LAMA4: variants seen among roughly 807,000 people sequenced by gnomAD.
LAMA4 encodes laminin subunit alpha 4.
A neutral mutation model predicts 207.1 loss-of-function variants in LAMA4; 127 were observed. The ratio of observed to expected loss-of-function variants is 0.61; its 90% CI spans 0.53 to 0.71. The LOEUF is 0.71. Among genes scored for constraint, LAMA4 ranks in the 30% least tolerant of loss-of-function variants. The pLI is 0.00. For missense variants in LAMA4, 2,093 were observed against 2,246.5 expected, an observed-to-expected ratio of 0.93 and a Z score of 1.38; for synonymous variants, 761 against 816.0, an observed-to-expected ratio of 0.93 and a Z score of 1.15.
chr6:112,190,899 C>CT (rs1226185472), intron 6 of LAMA4, among the ~76,000 whole-genome samples: 2 of 80,856 alleles, frequency 2.5e-5, no homozygotes, highest in Non-Finnish European at 5.0e-5. Flanking sequence ...TTCTTTCTTT[C>CT]TTTCTTTCTT....
Position 112,133,468 on chromosome 6 carries a change from G to C in LAMA4, c.3577C>G (p.Pro1193Ala), listed in dbSNP as rs782251597. The change falls in exon 27 of 39, where the codon CCC becomes GCC. Residue 1193 changes from proline to alanine, a missense_variant. By Grantham distance (27) the Pro-to-Ala change is conservative. Coordinates refer to ENST00000230538, the MANE Select transcript of LAMA4 (RefSeq NM_001105206.3). ...LQSRALRAHL[P>A]LDINFRGCMK... ...CATCCTCTGAAGTTGATATCTAGGG[G>C]AAGGTGTGCTCTGAGGGCCCTGGAA... 6.2e-7 allele frequency: 1 copy of C among 1,613,566 alleles called. No individual in the cohort carries two copies. The highest frequency in any genetic ancestry group is 2.2e-5 in the East Asian group (1 of 44,894).
At position 112,204,472 on chromosome 6, in the gene LAMA4, G is replaced by T. The variant is rs542894626; in HGVS notation, c.422+2549C>A. On this transcript the variant is annotated intron_variant, in intron 4 of 38. Transcript: ENST00000230538. ...TTGCCTGCCTAATTCATCTGCTACTGCCAAAAAAAAAAAAACAAACACTGC... is the reference window on the plus strand; with the variant it reads ...TTGCCTGCCTAATTCATCTGCTACTTCCAAAAAAAAAAAAACAAACACTGC... Among the ~76,000 whole-genome samples the T allele has an allele frequency of 7.9e-5, 11 of 138,862 alleles. No homozygotes were observed. In the East Asian group the frequency reaches 2.8e-3, roughly 35 times the overall value. 91.1% of individuals were successfully genotyped at this position (138,862 alleles called of 152,430 possible). A position where few individuals can be genotyped will look rare whatever the true frequency, so the allele number is the denominator to read the frequency against.
chr6:112,144,733 T>C, intron 19 of LAMA4, 61 bp downstream of exon 19: 1 of 1,584,908 alleles, frequency 6.3e-7, no homozygotes, highest in Non-Finnish European at 8.6e-7. Context: ...CCCAAGCAGT[T>C]GGAGCTCAGC....
Position 112,146,182 on chromosome 6 carries a change from C to T in LAMA4, c.2354-1249G>A, listed in dbSNP as rs536687526. Among the ~76,000 whole-genome samples, 27 of 151,934 alleles carry T rather than the reference C, an allele frequency of 1.8e-4. No individual in the cohort carries two copies. The South Asian group carries it at 3.8e-3, about 21-fold the overall frequency. ...GTGCACGCCTGTAATCCCAGCTACT[C>T]GGGAGGCTGAGGCGGGAGAATCGCT... On this transcript the variant is annotated intron_variant, in intron 18 of 38. Coordinates refer to ENST00000230538, the MANE Select transcript of LAMA4 (RefSeq NM_001105206.3).
At position 112,175,352 on chromosome 6, in the gene LAMA4, G is replaced by A. The variant is rs140911762; in HGVS notation, c.1318C>T (p.Arg440Trp). Residue 440 changes from arginine (R) to tryptophan (W), a missense_variant, in exon 11 of 39, where the codon CGG becomes TGG. Physicochemically the swap from Arg to Trp is moderately radical, Grantham distance 101 (BLOSUM62 -3). Transcript: ENST00000230538. ...IRSRQPFFTQ[R>W]ELVDEEADEA... ...TCTGCCTCCTCATCCACGAGCTCCC[G>A]TTGGGTGAAAAATGGTTGACGGCTT... The A allele has an allele frequency of 3.7e-5, 59 of 1,614,030 alleles. No individual in the cohort carries two copies. The highest frequency in any genetic ancestry group is 2.1e-4 in the African/African-American group (16 of 74,926).
At chr6:112,111,517 ATT>A (rs1777694609) in intron 38 of LAMA4, among the ~76,000 whole-genome samples, 1 of 152,122 alleles carries the variant, frequency 6.6e-6, no homozygotes, top group African/African-American at 2.4e-5. Context: ...TAGGGGTTTT[ATT>A]TAGCCTAATT....
chr6:112,164,746 T>C (rs1781285823), intron 13 of LAMA4, among the ~76,000 whole-genome samples: 1 of 152,220 alleles, frequency 6.6e-6, no homozygotes, highest in Non-Finnish European at 1.5e-5. Flanking sequence ...GCCAGATTTA[T>C]CAAACACAAC....
rs577264838 is a variant in LAMA4 at position 112,125,054 on chromosome 6, C to A, written c.4288-2853G>T. 3.9e-5 allele frequency among the ~76,000 whole-genome samples: 6 copies of A among 152,272 alleles called. No homozygotes were observed. In the East Asian group the frequency reaches 1.2e-3, roughly 29 times the overall value. On this transcript the variant is annotated intron_variant, in intron 31 of 38. Coordinates refer to ENST00000230538, the MANE Select transcript of LAMA4 (RefSeq NM_001105206.3). ...ACAGGCGTGAGCCACCGCACCTGGC[C>A]ATCTTAAACAATCTAAGATAGGATA...
intron 12 of LAMA4, among the ~76,000 whole-genome samples, chr6:112,171,025 A>C (rs540750058): frequency 6.6e-6 from 1 of 152,284 alleles, no homozygotes; most frequent in African/African-American, 2.4e-5. Flanking sequence ...GATCAGAGGG[A>C]GTCCTGAATG....
Position 112,220,257 on chromosome 6 carries a change from C to G in LAMA4, c.196-3788G>C, listed in dbSNP as rs549646151. ...ACAGCTCTTTATTATTAAGAGACTC[C>G]TATTATCACAGCTTGCCTCCTGCTC... On this transcript the variant is annotated intron_variant, in intron 2 of 38. Transcript: ENST00000230538. Among the ~76,000 whole-genome samples the G allele has an allele frequency of 2.2e-4, 33 of 152,238 alleles. No individual in the cohort carries two copies. In the South Asian group the frequency reaches 5.2e-3, roughly 24 times the overall value.
At chr6:112,147,464 C>G (rs1043966448) in intron 18 of LAMA4, among the ~76,000 whole-genome samples, 6 of 151,996 alleles carry the variant, frequency 3.9e-5, no homozygotes, top group Non-Finnish European at 4.4e-5. Context: ...TATTGGAGAA[C>G]AAAAAGTTCT....
chr6:112,234,816 C>G (rs1244808747), intron 2 of LAMA4: 3 of 152,132 alleles, frequency 2.0e-5, no homozygotes, highest in African/African-American at 4.8e-5. Context: ...GCTTCATCTG[C>G]CAAAGTAACC....
Position 112,207,037 on chromosome 6 carries a change from G to A in LAMA4, c.406C>T (p.Leu136=). ...AGGACTTACTTGGCCAAGTGGGGCAGGGGACAGGGGCACGGCTGGCAGAAT... is the reference window on the plus strand; with the variant it reads ...AGGACTTACTTGGCCAAGTGGGGCAAGGGACAGGGGCACGGCTGGCAGAAT... The part of the protein sequence containing the change: ...PQFCQPCPCP[L]PHLANFAESC... The change falls in exon 4 of 39, where the codon CTG becomes TTG. Residue 136 remains leucine (L), a synonymous_variant. Coordinates refer to ENST00000230538, the MANE Select transcript of LAMA4 (RefSeq NM_001105206.3). 6.2e-7 allele frequency: 1 copy of A among 1,613,928 alleles called. No individual in the cohort carries two copies. Among genetic ancestry groups the A allele is most frequent in the Non-Finnish European group, 8.5e-7 (1 of 1,179,920 alleles).
At chr6:112,178,909 G>T (rs1782183900) in intron 9 of LAMA4, 1 of 152,344 alleles carries the variant, frequency 6.6e-6, no homozygotes, top group Admixed American at 6.5e-5. Flanking sequence ...AAGTTTCAAA[G>T]AGAAAATTGT....
Position 112,117,709 on chromosome 6 carries a change from G to C in LAMA4, c.4981+30C>G. On this transcript the variant is annotated intron_variant, in intron 35 of 38. Transcript: ENST00000230538. The surrounding 1 kb of genome is among the most constrained non-coding windows in gnomAD (Gnocchi z 4.5). ...CCATCTCCAGGAAGAAGCATTTCAT[G>C]ACTCATATTTTTAACATGACTAATG... 6.2e-7 allele frequency: 1 copy of C among 1,600,604 alleles called. No homozygotes were observed.
intron 22 of LAMA4, 116 bp from the exon 23 acceptor site, chr6:112,140,001 T>C (rs1025979758): frequency 1.6e-5 from 16 of 1,020,034 alleles, no homozygotes; most frequent in Non-Finnish European, 2.4e-5. Flanking sequence ...TGTGGAAATA[T>C]CTTTCTAGAC....
intron 2 of LAMA4, among the ~76,000 whole-genome samples, chr6:112,226,540 A>C (rs1211293135): frequency 6.6e-6 from 1 of 152,208 alleles, no homozygotes; most frequent in Non-Finnish European, 1.5e-5. Context: ...TCATCAGAGC[A>C]CACGGAACAT....
chr6:112,237,262 C>T (rs1554366402), intron 2 of LAMA4, among the ~76,000 whole-genome samples: 3 of 152,168 alleles, frequency 2.0e-5, no homozygotes, highest in Non-Finnish European at 2.9e-5. Context: ...TACAGGGGTG[C>T]TCTGAGCATC....
rs114946536 is a variant in LAMA4 at position 112,109,760 on chromosome 6, A to G, written c.5327-178T>C. Among the ~76,000 whole-genome samples, 1,040 of 152,010 alleles carry G rather than the reference A, an allele frequency of 6.8e-3. 10 individuals carry two copies. The highest frequency in any genetic ancestry group is 0.024 in the African/African-American group (983 of 41,262). On this transcript the variant is annotated intron_variant, in intron 38 of 38. Transcript: ENST00000230538. ...TAACATTATTTGCTTGTGAAGTCCT[A>G]TGGACATGTGGTAATTTTAACGTTT... is the stretch of plus-strand genomic sequence containing the variant.
Sources: gnomAD v4.1 joint callset for allele counts (sites outside exome capture counted in the v4.1 genomes callset) on GRCh38, gnomAD v4.1.1 for gene constraint, Gnocchi (gnomAD v3.1) non-coding constraint, MANE v1.5 for transcripts, NCBI Gene and HGNC (gene_info 2026-07-23, HGNC 2026-07-21) for gene names.